The following JAK2 variants were observed in gnomAD, a reference collection of about 807,000 sequenced individuals.
JAK2 encodes the protein tyrosine-protein kinase JAK2.
JAK2 carries 86 observed loss-of-function variants against 139.3 expected under a neutral mutation model. The ratio of observed to expected loss-of-function variants is 0.62; its 90% CI spans 0.52 to 0.74. JAK2 has a LOEUF of 0.74. Ranked by LOEUF, JAK2 falls within the 30% of genes least tolerant of loss-of-function variation. The pLI is 0.00. For synonymous variants in JAK2, 490 were observed against 437.7 expected (o/e 1.12, Z -1.49); for missense variants, 1,421 against 1,360.3 (o/e 1.04, Z -0.70).
At position 5,128,147 on chromosome 9, in the gene JAK2, G is replaced by C. The variant is rs1183516855; in HGVS notation, c.*1356G>C. 4.4e-6 allele frequency: 1 copy of C among 228,136 alleles called. No homozygotes were observed. The highest frequency in any genetic ancestry group is 8.6e-6 in the Non-Finnish European group (1 of 115,688). The allele number at this position is 228,136 out of a possible 1,614,324, so 14.1% of individuals were successfully genotyped here. A position where few individuals can be genotyped will look rare whatever the true frequency, so the allele number is the denominator to read the frequency against. The stretch of plus-strand genomic sequence containing the variant: ...TATTTATACAAAACTTAAAATACTT[G>C]CTGTTTTGATTAAAAAGAAAATAGT... On this transcript the variant is annotated 3_prime_UTR_variant, in exon 25 of 25. Coordinates refer to ENST00000381652, the MANE Select transcript of JAK2 (RefSeq NM_004972.4).
chr9:4,994,656 G>T (rs144267835), intron 2 of JAK2, among the ~76,000 whole-genome samples: 1 of 152,138 alleles, frequency 6.6e-6, no homozygotes, highest in Admixed American at 6.5e-5. Context: ...ATGAACAGAC[G>T]TGGCTCATGG....
chr9:5,085,992 G>A (rs998135220), intron 19 of JAK2: 2 of 933,008 alleles, frequency 2.1e-6, no homozygotes, highest in Non-Finnish European at 3.5e-6. Context: ...GTACGGGGTT[G>A]TGTGATGAAA....
chr9:4,999,248 CT>C (rs1820789892), intron 2 of JAK2, among the ~76,000 whole-genome samples: 1 of 152,082 alleles, frequency 6.6e-6, no homozygotes, highest in African/African-American at 2.4e-5. Flanking sequence ...TTTCTAAAGC[CT>C]AAAAGTTGAA....
chr9:4,988,679 C>T (rs914735690), intron 2 of JAK2, among the ~76,000 whole-genome samples: 1 of 152,120 alleles, frequency 6.6e-6, no homozygotes, highest in African/African-American at 2.4e-5. Context: ...CTGCCCAGTT[C>T]TTTCATTTTA....
At chr9:5,073,953 G>T (rs1394567710) in intron 14 of JAK2, among the ~76,000 whole-genome samples, 168 bp downstream of exon 14, 3 of 152,096 alleles carry the variant, frequency 2.0e-5, no homozygotes, top group Non-Finnish European at 2.9e-5. Context: ...GTTATATCTT[G>T]TGAAAAAGGA....
At position 5,090,775 on chromosome 9, in the gene JAK2, A is replaced by G. The variant is rs1253373055; in HGVS notation, c.2923A>G (p.Arg975Gly). 49 of 1,612,284 alleles carry G rather than the reference A, an allele frequency of 3.0e-5. No individual in the cohort carries two copies. The Admixed American group carries it at 8.0e-4, about 26-fold the overall frequency. ...TCTTGGTACAAAAAGGTATATCCAC[A>G]GGGATCTGGCAACGAGAAATATATT... ...EYLGTKRYIH[R>G]DLATRNILVE... The change falls in exon 22 of 25, where the codon AGG becomes GGG. Residue 975 changes from arginine (R) to glycine (G), a missense_variant. Arg to Gly is a moderately radical substitution (Grantham distance 125). Coordinates refer to ENST00000381652, the MANE Select transcript of JAK2 (RefSeq NM_004972.4).
chr9:5,024,238 A>C (rs1822628833), intron 3 of JAK2, among the ~76,000 whole-genome samples: 1 of 152,200 alleles, frequency 6.6e-6, no homozygotes, highest in Non-Finnish European at 1.5e-5. Flanking sequence ...CCTGGGCGAC[A>C]GAGCGAGACT....
intron 2 of JAK2, among the ~76,000 whole-genome samples, chr9:4,991,026 T>C (rs1349977308): frequency 6.6e-6 from 1 of 152,198 alleles, no homozygotes; most frequent in Non-Finnish European, 1.5e-5. Context: ...GTTCTGTGTT[T>C]TTTTCTGAAT....
intron 19 of JAK2, among the ~76,000 whole-genome samples, chr9:5,087,736 C>A (rs1421065107): frequency 6.6e-6 from 1 of 152,174 alleles, no homozygotes; most frequent in Non-Finnish European, 1.5e-5. Context: ...CACTGCCAGA[C>A]AGCTTCTAAT....
chr9:5,119,217 G>A (rs1217136110), intron 22 of JAK2, among the ~76,000 whole-genome samples: 1 of 151,966 alleles, frequency 6.6e-6, no homozygotes, highest in African/African-American at 2.4e-5. Context: ...GAAAAACTCA[G>A]ACTTCATTTT....
At chr9:5,028,211 T>C (rs910100996) in intron 3 of JAK2, among the ~76,000 whole-genome samples, 2 of 152,222 alleles carry the variant, frequency 1.3e-5, no homozygotes, top group Admixed American at 6.5e-5. Flanking sequence ...TTAGCAGGCA[T>C]GAAAACAACA....
At chr9:5,090,690 A>ATTGT (rs760027044) in intron 21 of JAK2, 49 bp from the exon 22 acceptor site, 3 of 1,544,738 alleles carry the variant, frequency 1.9e-6, no homozygotes, top group South Asian at 2.5e-5. Flanking sequence ...GACCATTTAA[A>ATTGT]TTGTTTATAT....
chr9:5,045,642 A>G (rs1386947720), intron 5 of JAK2, among the ~76,000 whole-genome samples: 2 of 152,098 alleles, frequency 1.3e-5, no homozygotes, highest in Non-Finnish European at 2.9e-5. Context: ...TTTTCTATGT[A>G]CCTCATACAA....
chr9:5,118,884 T>C (rs62543884), intron 22 of JAK2, among the ~76,000 whole-genome samples: 5,715 of 152,298 alleles, frequency 0.038, 161 homozygotes, highest in Non-Finnish European at 0.058. Context: ...CTTTCAAAAA[T>C]GAGTTTACTA....
intron 2 of JAK2, among the ~76,000 whole-genome samples, chr9:4,998,143 T>C (rs558355494): frequency 8.5e-4 from 130 of 152,328 alleles, no homozygotes; most frequent in Non-Finnish European, 1.7e-3. Context: ...CAATTTTATT[T>C]TTTATAGACA....
chr9:5,124,140 T>A (rs1019115049), intron 23 of JAK2, among the ~76,000 whole-genome samples: 7 of 151,888 alleles, frequency 4.6e-5, no homozygotes. Context: ...TTGCAAATAT[T>A]TTCTCCGATT....
chr9:5,042,282 C>T (rs915222385), intron 4 of JAK2, among the ~76,000 whole-genome samples: 7 of 151,714 alleles, frequency 4.6e-5, no homozygotes, highest in Admixed American at 3.3e-4. Context: ...GGACTACAGG[C>T]GCCCGCCACC....
chr9:5,034,910 G>A lies in JAK2; in HGVS notation c.350+5004G>A, dbSNP rs879351514. Among the ~76,000 whole-genome samples the A allele has an allele frequency of 4.8e-3, 735 of 152,272 alleles. 9 individuals are homozygous for A. The highest frequency in any genetic ancestry group is 0.017 in the African/African-American group (700 of 41,544). On this transcript the variant is annotated intron_variant, in intron 4 of 24. Coordinates refer to ENST00000381652, the MANE Select transcript of JAK2 (RefSeq NM_004972.4). The stretch of plus-strand genomic sequence containing the variant: ...TCAGAGCAGAACTGAAGGACATAGA[G>A]AGACAAAAAACCCTTCAAAAAAATC...
intron 2 of JAK2, among the ~76,000 whole-genome samples, chr9:4,986,359 A>G (rs112439926): frequency 0.038 from 5,837 of 152,292 alleles, 343 homozygotes; most frequent in African/African-American, 0.13. Flanking sequence ...AATAAGAGAT[A>G]GCTTTTGGGA....
Sources: allele counts gnomAD v4.1 joint callset (sites outside exome capture counted in the v4.1 genomes callset), GRCh38; gene constraint gnomAD v4.1.1; transcripts MANE v1.5; gene names NCBI Gene and HGNC (gene_info 2026-07-23, HGNC 2026-07-21).